UBXN2A: variants seen among roughly 807,000 people sequenced by gnomAD.
The protein encoded by UBXN2A is UBX domain protein 2A.
A neutral mutation model predicts 28.4 loss-of-function variants in UBXN2A; 28 were observed. The ratio of observed to expected loss-of-function variants is 0.99; its 90% confidence interval spans 0.73 to 1.35. UBXN2A has a LOEUF of 1.35. UBXN2A is among the 40% of genes most tolerant of loss of function. The pLI is 0.00. For synonymous variants in UBXN2A, 97 were observed against 103.6 expected (o/e 0.94, Z 0.39); for missense variants, 253 against 297.9 (o/e 0.85, Z 1.11).
chr2:23,977,513 A>T (rs1362280478), intron 4 of UBXN2A, among the ~76,000 whole-genome samples: 2 of 151,934 alleles, frequency 1.3e-5, no homozygotes, highest in Admixed American at 6.6e-5. Flanking sequence ...GTGGTGGCAC[A>T]TGCCTGTAAT....
At chr2:23,962,786 A>G (rs1421420477) in intron 2 of UBXN2A, among the ~76,000 whole-genome samples, 2 of 151,954 alleles carry the variant, frequency 1.3e-5, no homozygotes, top group Non-Finnish European at 2.9e-5. Flanking sequence ...TGTATTTTTT[A>G]GTAGAGACAG....
intron 2 of UBXN2A, among the ~76,000 whole-genome samples, chr2:23,962,169 C>T (rs1706955658): frequency 6.6e-6 from 1 of 152,080 alleles, no homozygotes; most frequent in Non-Finnish European, 1.5e-5. Flanking sequence ...CTAAGTGTAT[C>T]AGTTGTTCAA....
chr2:23,997,145 T>G (rs1708573397), intron 6 of UBXN2A: 1 of 152,130 alleles, frequency 6.6e-6, no homozygotes, highest in African/African-American at 2.4e-5. Context: ...TGATCTGGAA[T>G]TCCTGGGCTC....
At chr2:23,938,608 A>G (rs1379114880), upstream of UBXN2A, among the ~76,000 whole-genome samples, 1 of 151,038 alleles carries the variant, frequency 6.6e-6, no homozygotes, top group Non-Finnish European at 1.5e-5. Flanking sequence ...TTCATACAGA[A>G]CTGCAAGCGA....
At chr2:23,975,432 T>C (rs1356094755) in intron 3 of UBXN2A, among the ~76,000 whole-genome samples, 2 of 152,208 alleles carry the variant, frequency 1.3e-5, no homozygotes, top group African/African-American at 4.8e-5. Flanking sequence ...CAAAATAACA[T>C]GTCAAAGCAG....
intron 6 of UBXN2A, among the ~76,000 whole-genome samples, chr2:23,989,673 C>T (rs1192964457): frequency 2.0e-5 from 3 of 151,924 alleles, no homozygotes; most frequent in Admixed American, 6.6e-5. Context: ...GAGGCCAAGG[C>T]GGGCAGATCA....
At chr2:23,968,296 A>T (rs1215819053) in intron 2 of UBXN2A, among the ~76,000 whole-genome samples, 2 of 152,188 alleles carry the variant, frequency 1.3e-5, no homozygotes, top group East Asian at 3.9e-4. Context: ...GAGTTGGCAC[A>T]TGTAAGGTAC....
intron 1 of UBXN2A, among the ~76,000 whole-genome samples, chr2:23,952,540 G>A (rs1706425052): frequency 6.6e-6 from 1 of 152,188 alleles, no homozygotes; most frequent in African/African-American, 2.4e-5. Flanking sequence ...CACCTCCCGG[G>A]TTCAAGCAGT....
chr2:23,984,590 A>G (rs954292188), intron 5 of UBXN2A, 83 bp from the exon 6 acceptor site: 16 of 1,150,136 alleles, frequency 1.4e-5, no homozygotes, highest in Middle Eastern at 6.5e-4. Context: ...TATACTTGCT[A>G]TAATATTTTT....
At chr2:23,939,211 A>G (rs1705630175), upstream of UBXN2A, among the ~76,000 whole-genome samples, 1 of 152,198 alleles carries the variant, frequency 6.6e-6, no homozygotes, top group Admixed American at 6.5e-5. Context: ...AGGAAGAAGG[A>G]CTGTTGCAAT....
At chr2:23,975,870 C>A (rs530401431) in intron 3 of UBXN2A, among the ~76,000 whole-genome samples, 1 of 152,290 alleles carries the variant, frequency 6.6e-6, no homozygotes, top group African/African-American at 2.4e-5. Context: ...AGGTGATCCA[C>A]CTGCCTTGGC....
chr2:23,999,939 G>A lies in UBXN2A; in HGVS notation c.*72G>A. On this transcript the variant is annotated 3_prime_UTR_variant, in exon 7 of 7. Coordinates refer to ENST00000309033, the MANE Select transcript of UBXN2A (RefSeq NM_181713.4). ...AGTGGACATGCAAACCAAAATTGGG[G>A]ATTGGAGAAGTCAGACTCACTAGAC... The A allele has an allele frequency of 6.7e-7, 1 of 1,499,576 alleles. No homozygotes were observed. Among genetic ancestry groups the A allele is most frequent in the Non-Finnish European group, 9.1e-7 (1 of 1,099,446 alleles). 92.9% of individuals were successfully genotyped at this position (1,499,576 alleles called of 1,614,324 possible).
chr2:23,976,218 C>T (rs1383870628), intron 3 of UBXN2A, among the ~76,000 whole-genome samples: 1 of 152,042 alleles, frequency 6.6e-6, no homozygotes, highest in Non-Finnish European at 1.5e-5. Context: ...CGGGAGCTAC[C>T]GCGCCTGGCC....
intron 1 of UBXN2A, among the ~76,000 whole-genome samples, chr2:23,954,545 C>T (rs979544727): frequency 4.6e-5 from 7 of 152,240 alleles, no homozygotes; most frequent in Middle Eastern, 3.4e-3. Flanking sequence ...GTTTCAATTT[C>T]GTTACAACCT....
intron 1 of UBXN2A, among the ~76,000 whole-genome samples, chr2:23,928,576 C>CAA (rs879743867): frequency 6.9e-5 from 9 of 130,120 alleles, no homozygotes; most frequent in Non-Finnish European, 1.2e-4. Context: ...GACTCCATCT[C>CAA]AAAAAAAAAA....
chr2:23,931,526 CGTT>C (rs1336493040), intron 1 of UBXN2A, among the ~76,000 whole-genome samples: 2 of 151,860 alleles, frequency 1.3e-5, no homozygotes, highest in African/African-American at 4.8e-5. Context: ...ATAACTAAAA[CGTT>C]GGTTAAATAT....
chr2:23,993,994 CT>C (rs761808590), intron 6 of UBXN2A, among the ~76,000 whole-genome samples: 3 of 152,084 alleles, frequency 2.0e-5, no homozygotes, highest in Non-Finnish European at 4.4e-5. Context: ...TTTAGTATCT[CT>C]TTAATTGCTT....
Position 23,932,208 on chromosome 2 carries a change from G to C in UBXN2A, c.-138+4593G>C, listed in dbSNP as rs546037649. On this transcript the variant is annotated intron_variant, in intron 1 of 7. Transcript: ENST00000404924. ...TAGTGGGCACCTGTAATCCCAGCTA[G>C]TCGAGAGGCCGAGGCAGGAGAATTG... Among the ~76,000 whole-genome samples the C allele has an allele frequency of 3.5e-3, 532 of 151,202 alleles. 6 individuals are homozygous for C. Among genetic ancestry groups the C allele is most frequent in the African/African-American group, 0.012 (514 of 41,198 alleles).
chr2:23,935,721 G>A (rs985156176), upstream of UBXN2A, among the ~76,000 whole-genome samples: 1 of 152,130 alleles, frequency 6.6e-6, no homozygotes, highest in Non-Finnish European at 1.5e-5. Context: ...GTTAAACACA[G>A]AAATACCCTA....
Sources: gnomAD v4.1 joint callset for allele counts (sites outside exome capture counted in the v4.1 genomes callset) on GRCh38, gnomAD v4.1.1 for gene constraint, MANE v1.5 for transcripts, NCBI Gene and HGNC (gene_info 2026-07-23, HGNC 2026-07-21) for gene names.